PRKCQ: variants seen among roughly 807,000 people sequenced by gnomAD.
PRKCQ encodes the protein protein kinase C theta.
A neutral mutation model predicts 91.2 loss-of-function variants in PRKCQ; 41 were observed. That is an observed-to-expected ratio of 0.45 (90% CI 0.35 to 0.58). The LOEUF is 0.58. Among genes scored for constraint, PRKCQ ranks in the 20% least tolerant of loss-of-function variants. The pLI, the probability that PRKCQ is intolerant of heterozygous loss-of-function variation, is 0.00. For missense variants in PRKCQ, 673 were observed against 896.5 expected (o/e 0.75, Z 3.18); for synonymous variants, 307 against 316.9 (o/e 0.97, Z 0.33).
At chr10:6,503,846 G>C (rs546048617) in intron 4 of PRKCQ, among the ~76,000 whole-genome samples, 57 of 152,260 alleles carry the variant, frequency 3.7e-4, no homozygotes, top group Non-Finnish European at 2.8e-4. Context: ...GCACTATCTT[G>C]GCTCACTTTA....
chr10:6,553,511 A>AT (rs1200627397), intron 1 of PRKCQ, among the ~76,000 whole-genome samples: 8 of 146,446 alleles, frequency 5.5e-5, no homozygotes, highest in Non-Finnish European at 7.4e-5. Flanking sequence ...AAAAAAAAAA[A>AT]AAAAAACAAA....
At chr10:6,522,496 T>C (rs1041503411) in intron 1 of PRKCQ, among the ~76,000 whole-genome samples, 5 of 152,176 alleles carry the variant, frequency 3.3e-5, no homozygotes, top group African/African-American at 1.2e-4. Flanking sequence ...AATGCGTTTA[T>C]AGAGATGCTG....
At chr10:6,566,671 G>A (rs1375928202) in intron 1 of PRKCQ, among the ~76,000 whole-genome samples, 2 of 152,038 alleles carry the variant, frequency 1.3e-5, no homozygotes, top group Non-Finnish European at 2.9e-5. Context: ...ATATCCTTGT[G>A]TGCCAGCGAC....
At chr10:6,494,014 C>CT (rs2130809583) in intron 7 of PRKCQ, among the ~76,000 whole-genome samples, 4 of 152,362 alleles carry the variant, frequency 2.6e-5, no homozygotes, top group African/African-American at 9.6e-5. Context: ...AGTCTGACTG[C>CT]TTTTCACGAG....
At position 6,491,799 on chromosome 10, in the gene PRKCQ, C is replaced by T. The variant is rs1837319927; in HGVS notation, c.674G>A (p.Arg225Lys). The T allele has an allele frequency of 1.2e-6, 2 of 1,614,046 alleles. No individual in the cohort carries two copies. Among genetic ancestry groups the T allele is most frequent in the African/African-American group, 2.7e-5 (2 of 74,914 alleles). Reference protein sequence around the residue: ...NSRETMFHKERFKIDMPHRFK... With the variant: ...NSRETMFHKEKFKIDMPHRFK... ...TCTGTGTGGCATGTCAATTTTGAAT[C>T]TCTCCTTGTGGAACTGAAAGAAAGG... Residue 225 changes from arginine to lysine, a missense_variant, in exon 8 of 18, where the codon AGA becomes AAA. Physicochemically the swap from Arg to Lys is conservative, Grantham distance 26. Transcript: ENST00000263125.
intron 12 of PRKCQ, among the ~76,000 whole-genome samples, 157 bp from the exon 13 acceptor site, chr10:6,464,561 C>T (rs1175445422): frequency 6.6e-6 from 1 of 152,152 alleles, no homozygotes; most frequent in African/African-American, 2.4e-5. Context: ...GAGATTCTCC[C>T]GTCAGCCTCC....
At chr10:6,463,029 A>G (rs1168551081) in intron 13 of PRKCQ, among the ~76,000 whole-genome samples, 1 of 151,820 alleles carries the variant, frequency 6.6e-6, no homozygotes, top group Non-Finnish European at 1.5e-5. Context: ...AAGTAATAGT[A>G]TAGATAATAG....
chr10:6,517,989 A>G (rs1033458923), intron 1 of PRKCQ, among the ~76,000 whole-genome samples: 1 of 152,236 alleles, frequency 6.6e-6, no homozygotes, highest in African/African-American at 2.4e-5. Context: ...AATTGCATGT[A>G]CCATTCCTGA....
rs760055308 is a variant in PRKCQ at position 6,553,344 on chromosome 10, G to A, written c.-10+26867C>T. 9.4e-4 allele frequency among the ~76,000 whole-genome samples: 143 copies of A among 151,890 alleles called. 1 individual carries two copies. Among genetic ancestry groups the A allele is most frequent in the Non-Finnish European group, 1.7e-3 (117 of 67,932 alleles). On this transcript the variant is annotated intron_variant, in intron 1 of 17. Transcript: ENST00000263125. ...GCCTCTACTAAAAATACAAAAATTA[G>A]CTGGGCATGGTAGTGTGTTCCTGTG...
At chr10:6,462,189 A>C (rs1588696402) in intron 14 of PRKCQ, 114 bp downstream of exon 14, 3 of 909,208 alleles carry the variant, frequency 3.3e-6, no homozygotes, top group East Asian at 2.4e-5. Flanking sequence ...CTATGTGTGG[A>C]GCTTACTCCC....
chr10:6,439,236 G>C (rs1001051072), intron 16 of PRKCQ, among the ~76,000 whole-genome samples: 2 of 152,122 alleles, frequency 1.3e-5, no homozygotes, highest in African/African-American at 2.4e-5. Context: ...CTGTATTCTC[G>C]ATGGATCCTG....
Position 6,534,909 on chromosome 10 carries a change from T to C in PRKCQ, c.-9-19765A>G, listed in dbSNP as rs561194274. ...GATATTAGTTGATTTTAACTAGTTC[T>C]TTTTGGAATGTGCAATTCAAATTTT... is the stretch of plus-strand genomic sequence containing the variant. On this transcript the variant is annotated intron_variant, in intron 1 of 17. Transcript: ENST00000263125. Among the ~76,000 whole-genome samples, 4 of 151,750 alleles carry C rather than the reference T, an allele frequency of 2.6e-5. No homozygotes were observed. In the East Asian group the frequency reaches 5.8e-4, roughly 22 times the overall value.
chr10:6,436,932 T>A (rs1833725997), intron 16 of PRKCQ, among the ~76,000 whole-genome samples: 1 of 152,168 alleles, frequency 6.6e-6, no homozygotes, highest in African/African-American at 2.4e-5. Flanking sequence ...GTATTGCATA[T>A]CCTCAAGGTA....
intron 1 of PRKCQ, among the ~76,000 whole-genome samples, chr10:6,567,072 T>C (rs1840862055): frequency 6.6e-6 from 1 of 152,094 alleles, no homozygotes; most frequent in South Asian, 2.1e-4. Context: ...AAGAGAAGAC[T>C]CGGTACATGC....
intron 16 of PRKCQ, among the ~76,000 whole-genome samples, chr10:6,439,975 G>A (rs1028341451): frequency 6.6e-6 from 1 of 152,120 alleles, no homozygotes; most frequent in African/African-American, 2.4e-5. Flanking sequence ...TAATCCCCAT[G>A]TGTCACGGGA....
chr10:6,495,349 C>T (rs1280172969), intron 7 of PRKCQ, among the ~76,000 whole-genome samples: 1 of 152,228 alleles, frequency 6.6e-6, no homozygotes, highest in Non-Finnish European at 1.5e-5. Context: ...TTGCAGCTGT[C>T]ACCACACTGG....
Position 6,427,977 on chromosome 10 carries a change from T to C in PRKCQ, c.*230A>G. 1.8e-6 allele frequency: 1 copy of C among 552,286 alleles called. No individual in the cohort carries two copies. The highest frequency in any genetic ancestry group is 3.3e-5 in the Admixed American group (1 of 30,682). The allele number at this position is 552,286 out of a possible 1,614,324, so 34.2% of individuals were successfully genotyped here. A position where few individuals can be genotyped will look rare whatever the true frequency, so the allele number is the denominator to read the frequency against. On this transcript the variant is annotated 3_prime_UTR_variant, in exon 18 of 18. Transcript: ENST00000263125. ...TAACTATGGTTAGTAATGACCTAAC[T>C]TCAGGAGCGTCTGTGAGACATGTCA...
intron 12 of PRKCQ, among the ~76,000 whole-genome samples, chr10:6,467,321 CAG>C (rs1352090395): frequency 3.1e-5 from 3 of 97,342 alleles, no homozygotes; most frequent in South Asian, 3.6e-4. Flanking sequence ...GAGAGAGAGA[CAG>C]AGAGAGACAG....
the PRKCQ span, among the ~76,000 whole-genome samples, chr10:6,410,518 A>G: frequency 3.9e-5 from 6 of 152,166 alleles, no homozygotes; most frequent in Admixed American, 3.9e-4. Flanking sequence ...ACTCAAAACA[A>G]TGACATCACC....
Sources: gnomAD v4.1 joint callset for allele counts (sites outside exome capture counted in the v4.1 genomes callset) on GRCh38, gnomAD v4.1.1 for gene constraint, MANE v1.5 for transcripts, NCBI Gene and HGNC (gene_info 2026-07-23, HGNC 2026-07-21) for gene names.